XYLT1: variants seen among roughly 807,000 people sequenced by gnomAD.
The protein encoded by XYLT1 is beta-D-xylosyltransferase 1.
Under a neutral mutation model 91.3 loss-of-function variants are expected in XYLT1, and 36 were observed. That is an observed-to-expected ratio of 0.39 (90% CI 0.30 to 0.52). The LOEUF (loss-of-function observed/expected upper bound fraction) is 0.52, where lower values mean the gene tolerates loss of function less well. Ranked by LOEUF, XYLT1 falls within the 20% of genes least tolerant of loss-of-function variation. The pLI, the probability that XYLT1 is intolerant of heterozygous loss-of-function variation, is 0.68. For missense variants in XYLT1, 1,242 were observed against 1,284.5 expected, an observed-to-expected ratio of 0.97 and a Z score of 0.51; for synonymous variants, 588 against 532.0, an observed-to-expected ratio of 1.11 and a Z score of -1.45.
At chr16:17,351,749 T>TGGGGGG (rs67167449) in intron 2 of XYLT1, among the ~76,000 whole-genome samples, 2 of 134,910 alleles carry the variant, frequency 1.5e-5, no homozygotes, top group African/African-American at 6.2e-5. Context: ...GCTTTTTTTT[T>TGGGGGG]GGGGGGGGGT....
chr16:17,307,322 G>A (rs917556888), intron 2 of XYLT1, among the ~76,000 whole-genome samples: 3 of 152,138 alleles, frequency 2.0e-5, no homozygotes, highest in African/African-American at 2.4e-5. Flanking sequence ...TGATCGGCCC[G>A]CTTCGGCCTC....
At chr16:17,219,550 C>T (rs768898639) in intron 3 of XYLT1, among the ~76,000 whole-genome samples, 3 of 152,246 alleles carry the variant, frequency 2.0e-5, no homozygotes, top group Admixed American at 6.5e-5. Context: ...GGTCACTCTT[C>T]GACCTACCTG....
intron 1 of XYLT1, among the ~76,000 whole-genome samples, chr16:17,385,820 G>A (rs984547338): frequency 6.6e-6 from 1 of 151,998 alleles, no homozygotes; most frequent in African/African-American, 2.4e-5. Flanking sequence ...CTAAATCCAA[G>A]GAAACACTAC....
intron 2 of XYLT1, among the ~76,000 whole-genome samples, chr16:17,319,717 A>AGGC (rs1371488850): frequency 6.6e-6 from 1 of 152,162 alleles, no homozygotes; most frequent in Non-Finnish European, 1.5e-5. Flanking sequence ...CTGGGATTAC[A>AGGC]GGCGTGAGCC....
chr16:17,204,075 G>C (rs539480871), intron 3 of XYLT1, among the ~76,000 whole-genome samples: 1 of 152,316 alleles, frequency 6.6e-6, no homozygotes, highest in African/African-American at 2.4e-5. Context: ...AGTGAGTGAG[G>C]ACAGAGGTGG....
At chr16:17,418,295 A>G (rs9926044) in intron 1 of XYLT1, among the ~76,000 whole-genome samples, 8,822 of 152,296 alleles carry the variant, frequency 0.058, 346 homozygotes, top group Middle Eastern at 0.12. Context: ...TATGGATTAG[A>G]CAAAGAATGT....
At chr16:17,244,747 A>C (rs914416440) in intron 3 of XYLT1, among the ~76,000 whole-genome samples, 4 of 152,194 alleles carry the variant, frequency 2.6e-5, no homozygotes, top group Non-Finnish European at 5.9e-5. Context: ...ATAGTAAAAA[A>C]CTGGCAACAA....
intron 3 of XYLT1, among the ~76,000 whole-genome samples, chr16:17,257,052 CATTTAAGG>C (rs1169449896): frequency 2.6e-5 from 4 of 152,206 alleles, no homozygotes; most frequent in Non-Finnish European, 4.4e-5. Flanking sequence ...CCTCCGTGCT[CATTTAAGG>C]GTCTTTTCCC....
intron 5 of XYLT1, among the ~76,000 whole-genome samples, chr16:17,175,347 A>G (rs935578551): frequency 6.6e-6 from 1 of 152,202 alleles, no homozygotes; most frequent in Non-Finnish European, 1.5e-5. Flanking sequence ...AGTATAGAAT[A>G]TAAGAGTTGC....
chr16:17,398,820 C>CCA (rs1555454010), intron 1 of XYLT1, among the ~76,000 whole-genome samples: 1 of 69,092 alleles, frequency 1.4e-5, no homozygotes, highest in Non-Finnish European at 3.1e-5. Context: ...ATGTCCCCGC[C>CCA]CCCCCCCACT....
intron 2 of XYLT1, among the ~76,000 whole-genome samples, chr16:17,347,112 G>A (rs2035154710): frequency 6.6e-6 from 1 of 152,218 alleles, no homozygotes; most frequent in African/African-American, 2.4e-5. Context: ...GCTCTCAGAG[G>A]TACAAACCAG....
intron 6 of XYLT1, among the ~76,000 whole-genome samples, chr16:17,155,980 T>C (rs2031397623): frequency 1.3e-5 from 2 of 152,224 alleles, no homozygotes; most frequent in Admixed American, 1.3e-4. Context: ...ATGCTTATCA[T>C]AACAATGACA....
chr16:17,460,648 G>A (rs1277269415), intron 1 of XYLT1, among the ~76,000 whole-genome samples: 1 of 152,178 alleles, frequency 6.6e-6, no homozygotes, highest in African/African-American at 2.4e-5. Context: ...GACTCTTAGG[G>A]ACCCAGTGGG....
At chr16:17,125,057 T>C (rs998468091) in intron 10 of XYLT1, among the ~76,000 whole-genome samples, 2 of 152,228 alleles carry the variant, frequency 1.3e-5, no homozygotes, top group African/African-American at 2.4e-5. Flanking sequence ...ATTGGCTTAA[T>C]AGTCGAACTT....
intron 5 of XYLT1, among the ~76,000 whole-genome samples, chr16:17,163,410 T>C (rs1322847181): frequency 6.6e-6 from 1 of 152,170 alleles, no homozygotes; most frequent in Non-Finnish European, 1.5e-5. Flanking sequence ...AGGCACACAA[T>C]GCCTGTTTGC....
chr16:17,345,230 G>A (rs1314194678), intron 2 of XYLT1, among the ~76,000 whole-genome samples: 4 of 152,234 alleles, frequency 2.6e-5, no homozygotes, highest in African/African-American at 9.7e-5. Context: ...TGAACTGCAC[G>A]CAGGCAAAAA....
chr16:17,320,002 C>G (rs2034692860), intron 2 of XYLT1, among the ~76,000 whole-genome samples: 1 of 152,158 alleles, frequency 6.6e-6, no homozygotes, highest in African/African-American at 2.4e-5. Flanking sequence ...AACAGCCTTT[C>G]TTCTGGCTCT....
chr16:17,423,475 C>A (rs1170210505), intron 1 of XYLT1, among the ~76,000 whole-genome samples: 1 of 152,168 alleles, frequency 6.6e-6, no homozygotes. Context: ...GCCTGCGATA[C>A]AAAGGAGGGG....
intron 6 of XYLT1, among the ~76,000 whole-genome samples, chr16:17,153,274 C>T (rs1445721744): frequency 6.6e-6 from 1 of 152,206 alleles, no homozygotes; most frequent in Non-Finnish European, 1.5e-5. Flanking sequence ...ACACAGGTAA[C>T]TCACGTAACT....
Sources: allele counts gnomAD v4.1 joint callset (sites outside exome capture counted in the v4.1 genomes callset), GRCh38; gene constraint gnomAD v4.1.1; transcripts MANE v1.5; gene names NCBI Gene and HGNC (gene_info 2026-07-23, HGNC 2026-07-21).